CDH26: variants seen among roughly 807,000 people sequenced by gnomAD.
CDH26 encodes the protein cadherin-like protein 26.
In CDH26, 83 loss-of-function variants were observed where a neutral mutation model predicts 90.3. That is an observed-to-expected ratio of 0.92 (90% CI 0.77 to 1.10). The LOEUF (loss-of-function observed/expected upper bound fraction) is 1.10. CDH26 is among the 50% of genes least tolerant of loss of function. The probability of loss-of-function intolerance (pLI) is 0.00; values close to 1 mark genes in which losing one functional copy is unlikely to be tolerated. For synonymous variants in CDH26, 397 were observed against 396.3 expected (o/e 1.00, Z -0.02); for missense variants, 1,013 against 1,037.6 (o/e 0.98, Z 0.33).
At chr20:59,964,337 G>T (rs1362536193) in intron 1 of CDH26, among the ~76,000 whole-genome samples, 2 of 152,208 alleles carry the variant, frequency 1.3e-5, no homozygotes, top group Admixed American at 6.5e-5. Flanking sequence ...CAAATCATGT[G>T]CAGGGCGGAC....
At position 59,992,090 on chromosome 20, in the gene CDH26, C is replaced by T. The variant is rs187312014; in HGVS notation, c.1284-288C>T. Among the ~76,000 whole-genome samples the T allele has an allele frequency of 6.6e-6, 1 of 152,288 alleles. No homozygotes were observed. The highest frequency in any genetic ancestry group is 2.4e-5 in the African/African-American group (1 of 41,572). ...TGGGTTCCTTTCCAGGATGAATCATCTCCCCAAGGCAGACAAAACTATGTT... is the reference window on the plus strand; with the variant it reads ...TGGGTTCCTTTCCAGGATGAATCATTTCCCCAAGGCAGACAAAACTATGTT... On this transcript the variant is annotated intron_variant, in intron 9 of 17. Coordinates refer to ENST00000348616, the MANE Select transcript of CDH26 (RefSeq NM_177980.4). This position sits in a 1 kb window ranked among gnomAD's most constrained non-coding sequence, Gnocchi z 5.0.
intron 1 of CDH26, among the ~76,000 whole-genome samples, chr20:59,964,235 T>C (rs190185676): frequency 1.4e-3 from 213 of 152,370 alleles, no homozygotes; most frequent in African/African-American, 4.9e-3. Context: ...CTTCATTCAT[T>C]CAGAGAATTT....
rs2061430383 is a variant in CDH26, at chr20:59,984,645, C to A, written c.548C>A (p.Pro183His). Residue 183 changes from proline to histidine, a missense_variant, in exon 6 of 18, where the codon CCT becomes CAT. Pro to His is a moderately conservative substitution (Grantham distance 77). Coordinates refer to ENST00000348616, the MANE Select transcript of CDH26 (RefSeq NM_177980.4). The stretch of plus-strand genomic sequence containing the variant: ...TTTTAAAAATTCTTTCTAGGGCAAC[C>A]TATTTTTCAGATGTTAGCAGTCGAT... ...TVQENQSAGQ[P>H]IFQMLAVDLD... is the part of the protein sequence containing the mutation. 2.5e-6 allele frequency: 4 copies of A among 1,607,262 alleles called. No homozygotes were observed. Among genetic ancestry groups the A allele is most frequent in the Non-Finnish European group, 3.4e-6 (4 of 1,178,118 alleles).
downstream of CDH26, among the ~76,000 whole-genome samples, chr20:60,018,702 C>CTTTTTTTTTTTT (rs55994712): frequency 3.4e-3 from 61 of 17,812 alleles, 8 homozygotes; most frequent in South Asian, 0.015. Context: ...CTCTTACTGC[C>CTTTTTTTTTTTT]TTTTTTTTTT....
At position 59,982,911 on chromosome 20, in the gene CDH26, T is replaced by C. The variant is rs760863842; in HGVS notation, c.394-12T>C. On this transcript the variant is annotated splice_polypyrimidine_tract_variant and intron_variant, in intron 4 of 17. Transcript: ENST00000348616. ...TGGTTCTGCAGGATTTTTACAGCTCTCTGCTTCCTAGGTTTATTTTGATGT... is the reference window on the plus strand; with the variant it reads ...TGGTTCTGCAGGATTTTTACAGCTCCCTGCTTCCTAGGTTTATTTTGATGT... 1.1e-5 allele frequency: 18 copies of C among 1,611,830 alleles called. No individual in the cohort carries two copies. In the South Asian group the frequency reaches 2.0e-4, roughly 18 times the overall value.
chr20:59,997,042 C>T (rs2061607323), intron 13 of CDH26, among the ~76,000 whole-genome samples: 2 of 152,238 alleles, frequency 1.3e-5, no homozygotes, highest in Non-Finnish European at 2.9e-5. Flanking sequence ...GTGCTACTGG[C>T]ATCTAGTGCG....
chr20:59,985,966 A>G (rs1221095418), intron 7 of CDH26: 2 of 152,276 alleles, frequency 1.3e-5, no homozygotes, highest in South Asian at 4.1e-4. Flanking sequence ...GGGCCAGATG[A>G]TTATTTGGAG....
At position 59,958,561 on chromosome 20, in the gene CDH26, A is replaced by G. The variant is rs1296603946; in HGVS notation, c.-166A>G. On this transcript the variant is annotated 5_prime_UTR_variant, in exon 1 of 18. An upstream open reading frame in the 5' UTR loses its in-frame stop. Coordinates refer to ENST00000348616, the MANE Select transcript of CDH26 (RefSeq NM_177980.4). The stretch of plus-strand genomic sequence containing the variant: ...ACTCTGATAAATGCAAGAAAAGCTG[A>G]AAAGGGAGGAGCAAGATGGGATGAA... 7 of 673,062 alleles carry G rather than the reference A, an allele frequency of 1.0e-5. No homozygotes were observed. Among genetic ancestry groups the G allele is most frequent in the Non-Finnish European group, 1.9e-5 (7 of 375,244 alleles). The allele number at this position is 673,062 out of a possible 1,614,324, so 41.7% of individuals were successfully genotyped here.
chr20:59,992,593 C>A lies in CDH26; in HGVS notation c.1426+73C>A, dbSNP rs775105033. On this transcript the variant is annotated intron_variant, in intron 10 of 17. Coordinates refer to ENST00000348616, the MANE Select transcript of CDH26 (RefSeq NM_177980.4). The surrounding 1 kb of genome is among the most constrained non-coding windows in gnomAD (Gnocchi z 5.0). ...CCTGCGGGAAAATAACCCTGGTGAG[C>A]GTCTTTCAGCACAGCAGAGAAAAGG... 1 of 1,455,626 alleles carries A rather than the reference C, an allele frequency of 6.9e-7. No homozygotes were observed. Among genetic ancestry groups the A allele is most frequent in the Non-Finnish European group, 9.6e-7 (1 of 1,039,508 alleles). 90.2% of individuals were successfully genotyped at this position (1,455,626 alleles called of 1,614,324 possible).
intron 13 of CDH26, among the ~76,000 whole-genome samples, chr20:59,997,390 C>T (rs773389457): frequency 2.6e-5 from 4 of 152,252 alleles, no homozygotes; most frequent in Non-Finnish European, 5.9e-5. Context: ...ATCATTTAAC[C>T]CTACATCCTC....
At chr20:59,981,420 T>C (rs964077400) in intron 4 of CDH26, among the ~76,000 whole-genome samples, 19 of 152,200 alleles carry the variant, frequency 1.2e-4, no homozygotes, top group Admixed American at 4.6e-4. Flanking sequence ...ATCAGTGTTT[T>C]AACATTTTCA....
chr20:59,965,659 C>T (rs927847975), intron 1 of CDH26, among the ~76,000 whole-genome samples: 5 of 152,050 alleles, frequency 3.3e-5, no homozygotes, highest in African/African-American at 9.7e-5. Context: ...ATTCTGGCCT[C>T]GAGCAGATAT....
rs1321138488 is a variant in CDH26, at chr20:60,012,880, G to A, written c.*150G>A. ...GACACACTATTAGTTTGAATTAAAT[G>A]CTTTGATATTCTCAGATCAGCCATC... On this transcript the variant is annotated 3_prime_UTR_variant, in exon 18 of 18. Coordinates refer to ENST00000348616, the MANE Select transcript of CDH26 (RefSeq NM_177980.4). 7.6e-6 allele frequency: 5 copies of A among 661,618 alleles called. No homozygotes were observed. The highest frequency in any genetic ancestry group is 2.1e-5 in the South Asian group (1 of 46,548). The allele number at this position is 661,618 out of a possible 1,614,324, so 41.0% of individuals were successfully genotyped here.
chr20:59,988,609 G>A (rs1350766735), intron 8 of CDH26, among the ~76,000 whole-genome samples: 1 of 152,034 alleles, frequency 6.6e-6, no homozygotes, highest in Non-Finnish European at 1.5e-5. Flanking sequence ...CTGCATGGTT[G>A]TCTCATTAAT....
chr20:59,998,435 T>C (rs1456611435), intron 13 of CDH26, among the ~76,000 whole-genome samples: 2 of 152,102 alleles, frequency 1.3e-5, no homozygotes, highest in African/African-American at 4.8e-5. Flanking sequence ...GCAGTGTGGG[T>C]GGAAAGGAAC....
At chr20:59,991,164 G>C (rs996863277) in intron 9 of CDH26, among the ~76,000 whole-genome samples, 9 of 152,174 alleles carry the variant, frequency 5.9e-5, no homozygotes, top group African/African-American at 2.2e-4. Flanking sequence ...GCTCCCAAGG[G>C]TGCCCATGAT....
chr20:59,988,957 TGAG>T lies in CDH26; in HGVS notation c.1081_1083del (p.Glu361del), dbSNP rs1442433927. 6.2e-7 allele frequency: 1 copy of T among 1,613,800 alleles called. No individual in the cohort carries two copies. The highest frequency in any genetic ancestry group is 1.1e-5 in the South Asian group (1 of 91,086). On this transcript the variant is annotated inframe_deletion, in exon 9 of 18. Transcript: ENST00000348616. ...AAAGCCTCATCATTGTCGTGGAGAA[TGAG>T]GAGAGGCTCGTCTTCTGTGAGAGAG...
At chr20:60,023,000 T>A (rs2146031886) in intron 7 of CDH26, among the ~76,000 whole-genome samples, 1 of 152,376 alleles carries the variant, frequency 6.6e-6, no homozygotes, top group African/African-American at 2.4e-5. Context: ...TAGGCATGGC[T>A]ATGTGACTAA....
At chr20:59,989,313 G>A in intron 9 of CDH26, 150 bp downstream of exon 9, 2 of 967,050 alleles carry the variant, frequency 2.1e-6, no homozygotes, top group Admixed American at 2.3e-5. Flanking sequence ...TGGATCATGA[G>A]GTCAAGAGAT....
Sources: gnomAD v4.1 joint callset for allele counts (sites outside exome capture counted in the v4.1 genomes callset) on GRCh38, gnomAD v4.1.1 for gene constraint, Gnocchi (gnomAD v3.1) non-coding constraint, MANE v1.5 for transcripts, NCBI Gene and HGNC (gene_info 2026-07-23, HGNC 2026-07-21) for gene names.